The following ENOX2 variants were observed in gnomAD, a reference collection of about 807,000 sequenced individuals.
The protein encoded by ENOX2 is APK1 antigen.
ENOX2 carries 36 observed loss-of-function variants against 45.0 expected under a neutral mutation model. The observed-to-expected ratio is 0.80, with a 90% CI of 0.61 to 1.06. The LOEUF is 1.06. Ranked by LOEUF, ENOX2 falls within the 50% of genes least tolerant of loss-of-function variation. The probability of loss-of-function intolerance (pLI) is 0.00; values close to 1 mark genes in which losing one functional copy is unlikely to be tolerated. For missense variants in ENOX2, 423 were observed against 462.5 expected, an observed-to-expected ratio of 0.91 and a Z score of 0.78; for synonymous variants, 174 against 152.3, an observed-to-expected ratio of 1.14 and a Z score of -1.05.
chrX:130,715,569 G>GT (rs59886678), intron 3 of ENOX2, among the ~76,000 whole-genome samples: 1,180 of 100,599 alleles, frequency 0.012, 16 homozygotes, highest in African/African-American at 0.035. Flanking sequence ...CAAAATGACT[G>GT]TTTTTTTTTT....
intron 2 of ENOX2, among the ~76,000 whole-genome samples, chrX:130,828,487 T>C (rs1339291150): frequency 2.7e-5 from 3 of 112,292 alleles, no homozygotes; most frequent in Non-Finnish European, 5.6e-5. Flanking sequence ...TCTGGTCTAA[T>C]TTATGTTTGT....
chrX:130,661,231 C>T (rs2036679722), intron 9 of ENOX2, among the ~76,000 whole-genome samples: 1 of 108,032 alleles, frequency 9.3e-6, no homozygotes, highest in Non-Finnish European at 1.9e-5. Flanking sequence ...CTCTGTTGCC[C>T]AGGCTGGAGT....
At chrX:130,786,140 CT>C (rs2076965808) in intron 2 of ENOX2, among the ~76,000 whole-genome samples, 1 of 112,690 alleles carries the variant, frequency 8.9e-6, no homozygotes, top group African/African-American at 3.2e-5. Flanking sequence ...TGAATTAATC[CT>C]TAATTGGATG....
intron 4 of ENOX2, among the ~76,000 whole-genome samples, chrX:130,692,746 A>ATTT (rs59522175): frequency 5.3e-5 from 5 of 93,903 alleles, no homozygotes; most frequent in Non-Finnish European, 8.7e-5. Context: ...ATACCCGGCT[A>ATTT]TTTTTTTTTT....
chrX:130,703,423 T>C (rs751328159), intron 3 of ENOX2, among the ~76,000 whole-genome samples, 169 bp from the exon 4 acceptor site: 1 of 112,153 alleles, frequency 8.9e-6, no homozygotes, highest in Admixed American at 9.5e-5. Flanking sequence ...ACAACACAGC[T>C]TGAACTGGCA....
chrX:130,632,076 A>G (rs1001950262), intron 12 of ENOX2, among the ~76,000 whole-genome samples: 4 of 111,227 alleles, frequency 3.6e-5, no homozygotes, highest in African/African-American at 1.3e-4. Context: ...TCCCATCTCA[A>G]TGGACAATCT....
chrX:130,651,726 G>T (rs1305729793), intron 10 of ENOX2, among the ~76,000 whole-genome samples: 1 of 111,701 alleles, frequency 9.0e-6, no homozygotes, highest in Non-Finnish European at 1.9e-5. Flanking sequence ...TCTCCTCGTG[G>T]TCTCATTTCC....
At chrX:130,690,125 T>C (rs1035592023) in intron 4 of ENOX2, among the ~76,000 whole-genome samples, 2 of 111,062 alleles carry the variant, frequency 1.8e-5, no homozygotes, top group African/African-American at 3.3e-5. Flanking sequence ...CTGTTTAAGA[T>C]TGGGGCTTCT....
chrX:130,903,140 G>C lies in ENOX2; in HGVS notation c.-322C>G, dbSNP rs940356425. On this transcript the variant is annotated 5_prime_UTR_variant, in exon 1 of 15. Transcript: ENST00000394363. ...GTTCCTGGGCTCGTAGTGCCCTCGC[G>C]GCGCCCCACGCCGCGCCACTCTCTT... The C allele has an allele frequency of 2.7e-5, 3 of 112,704 alleles. No homozygotes were observed. Among genetic ancestry groups the C allele is most frequent in the Non-Finnish European group, 5.6e-5 (3 of 53,223 alleles). The allele number at this position is 112,704 out of a possible 1,213,427, so 9.3% of individuals were successfully genotyped here. A position where few individuals can be genotyped will look rare whatever the true frequency, so the allele number is the denominator to read the frequency against.
At chrX:130,745,341 G>C (rs2039076251) in intron 3 of ENOX2, among the ~76,000 whole-genome samples, 1 of 111,684 alleles carries the variant, frequency 9.0e-6, no homozygotes, top group Non-Finnish European at 1.9e-5. Flanking sequence ...TTGAAAATAT[G>C]CTAAAGTATA....
At chrX:130,765,898 T>C (rs1489015124) in intron 3 of ENOX2, among the ~76,000 whole-genome samples, 2 of 111,795 alleles carry the variant, frequency 1.8e-5, no homozygotes, top group Admixed American at 9.5e-5. Context: ...AAGAATTTCA[T>C]ATGTCTAACA....
chrX:130,870,677 C>T (rs1265464192), intron 2 of ENOX2, among the ~76,000 whole-genome samples: 3 of 111,384 alleles, frequency 2.7e-5, no homozygotes, highest in African/African-American at 9.8e-5. Context: ...TATATAAATC[C>T]CTTTAACACA....
chrX:130,714,874 A>G (rs2038287451), intron 3 of ENOX2, among the ~76,000 whole-genome samples: 1 of 111,201 alleles, frequency 9.0e-6, no homozygotes, highest in African/African-American at 3.3e-5. Flanking sequence ...TGGAGGAGGG[A>G]GGGGAGCACT....
chrX:130,669,683 T>TGACTTTTA (rs2148124768), intron 7 of ENOX2, among the ~76,000 whole-genome samples: 1 of 112,129 alleles, frequency 8.9e-6, no homozygotes, highest in East Asian at 2.8e-4. Context: ...GTCTCTGACG[T>TGACTTTTA]GGAAAGTGAG....
At position 130,707,328 on chromosome X, in the gene ENOX2, T is replaced by G. The variant is rs1368989128; in HGVS notation, c.-38-4074A>C. Among the ~76,000 whole-genome samples the G allele has an allele frequency of 2.7e-5, 3 of 111,883 alleles. No individual in the cohort carries two copies. In the East Asian group the frequency reaches 8.3e-4, roughly 31 times the overall value. ...CTTCTAGGTAATTTGGTTGAAGATA[T>G]GGCACTTTGGAATAAGCTCCATTAG... On this transcript the variant is annotated intron_variant, in intron 3 of 14. Transcript: ENST00000394363.
intron 4 of ENOX2, among the ~76,000 whole-genome samples, chrX:130,694,660 T>C (rs1397324714): frequency 9.8e-6 from 1 of 101,659 alleles, no homozygotes; most frequent in African/African-American, 3.6e-5. Flanking sequence ...TGGAGGGCAA[T>C]GGCATGATCT....
intron 2 of ENOX2, among the ~76,000 whole-genome samples, chrX:130,884,476 G>C (rs1314064598): frequency 1.8e-5 from 2 of 111,319 alleles, no homozygotes; most frequent in Non-Finnish European, 3.8e-5. Flanking sequence ...ACACGGGACA[G>C]TCTCTAATAA....
intron 2 of ENOX2, among the ~76,000 whole-genome samples, chrX:130,818,298 C>A (rs1367063503): frequency 9.0e-6 from 1 of 111,678 alleles, no homozygotes; most frequent in Non-Finnish European, 1.9e-5. Flanking sequence ...TAGGAGGAAT[C>A]AATATCATGA....
rs1216578059 is a variant in ENOX2, at chrX:130,804,013, C to T, written c.-182-20323G>A. Among the ~76,000 whole-genome samples the T allele has an allele frequency of 2.7e-5, 3 of 111,651 alleles. No homozygotes were observed. In the East Asian group the frequency reaches 8.4e-4, roughly 31 times the overall value. ...TTTGGCCCATAGTTTCTGCCTCCTTCCCCATCAGAATCTCCACCAGAGCAC... is the reference window on the plus strand; with the variant it reads ...TTTGGCCCATAGTTTCTGCCTCCTTTCCCATCAGAATCTCCACCAGAGCAC... On this transcript the variant is annotated intron_variant, in intron 2 of 14. Transcript: ENST00000394363.
Sources: gnomAD v4.1 joint callset for allele counts (sites outside exome capture counted in the v4.1 genomes callset) on GRCh38, gnomAD v4.1.1 for gene constraint, MANE v1.5 for transcripts, NCBI Gene and HGNC (gene_info 2026-07-23, HGNC 2026-07-21) for gene names.